Variants in VPS16 observed in about 807,000 individuals in gnomAD.
The protein encoded by VPS16 is VPS16 core subunit of CORVET and HOPS complexes.
A neutral mutation model predicts 116.0 loss-of-function variants in VPS16; 82 were observed. The observed-to-expected ratio is 0.71, with a 90% CI of 0.59 to 0.85. The LOEUF (loss-of-function observed/expected upper bound fraction) is 0.85. VPS16 is among the 40% of genes least tolerant of loss of function. The pLI, the probability that VPS16 is intolerant of heterozygous loss-of-function variation, is 0.00. For synonymous variants in VPS16, 406 were observed against 420.7 expected (o/e 0.96, Z 0.43); for missense variants, 928 against 1,090.6 (o/e 0.85, Z 2.10).
intron 1 of VPS16, among the ~76,000 whole-genome samples, chr20:2,850,575 G>A (rs559519001): frequency 7.4e-4 from 111 of 150,526 alleles, no homozygotes; most frequent in African/African-American, 2.7e-3. Flanking sequence ...GCAGTTAGCC[G>A]AGATTTTGCC....
chr20:2,847,445 C>T (rs2089071645), intron 1 of VPS16, among the ~76,000 whole-genome samples: 1 of 150,752 alleles, frequency 6.6e-6, no homozygotes, highest in African/African-American at 2.4e-5. Context: ...CAGAACTGCT[C>T]TACCTCTGAA....
At chr20:2,862,329 C>G in intron 11 of VPS16, 199 bp downstream of exon 11, 1 of 967,186 alleles carries the variant, frequency 1.0e-6, no homozygotes, top group Non-Finnish European at 1.5e-6. Flanking sequence ...CAGAGCATCC[C>G]CACTATCCCC....
intron 1 of VPS16, among the ~76,000 whole-genome samples, chr20:2,850,957 A>G: frequency 7.2e-6 from 1 of 138,044 alleles, no homozygotes; most frequent in African/African-American, 3.0e-5. Flanking sequence ...GCGATAGAGT[A>G]AGACTGTCAA....
chr20:2,861,307 G>C (rs759436339), intron 8 of VPS16, 27 bp downstream of exon 8: 1 of 1,613,624 alleles, frequency 6.2e-7, no homozygotes. Flanking sequence ...TATTGCTGGG[G>C]GTGTGGGTGA....
chr20:2,861,989 G>C (rs1255276054), intron 10 of VPS16, 65 bp from the exon 11 acceptor site: 38 of 1,606,690 alleles, frequency 2.4e-5, no homozygotes, highest in Non-Finnish European at 3.1e-5. Context: ...AGCAGGAATA[G>C]GGTGTTGAGG....
rs1374207624 is a variant in VPS16, at chr20:2,860,462, A to C, written c.383A>C (p.Asn128Thr). 1.2e-6 allele frequency: 2 copies of C among 1,613,910 alleles called. No individual in the cohort carries two copies. The highest frequency in any genetic ancestry group is 1.7e-6 in the Non-Finnish European group (2 of 1,179,962). The change falls in exon 5 of 24, where the codon AAC becomes ACC. Residue 128 changes from asparagine to threonine, a missense_variant. Coordinates refer to ENST00000380445, the MANE Select transcript of VPS16 (RefSeq NM_022575.4). The surrounding 1 kb of genome is among the most constrained non-coding windows in gnomAD (Gnocchi z 6.1). ...CCCTTTCCTCAGGAAGTGCTCCAGA[A>C]CCGGGTTCTGGATGCCCGGATCTTT... ...HFSMGNEVLQ[N>T]RVLDARIFHT...
chr20:2,862,952 A>C lies in VPS16; in HGVS notation c.1331+18A>C. 4 of 1,613,786 alleles carry C rather than the reference A, an allele frequency of 2.5e-6. No individual in the cohort carries two copies. Among genetic ancestry groups the C allele is most frequent in the Non-Finnish European group, 3.4e-6 (4 of 1,179,792 alleles). ...TATAGCCAGTATCCCTGTGCACGCC[A>C]GAAGGGTACCCTACAGCCAGGGGTG... is the stretch of plus-strand genomic sequence containing the variant. On this transcript the variant is annotated intron_variant, in intron 13 of 23. Transcript: ENST00000380445.
intron 1 of VPS16, among the ~76,000 whole-genome samples, chr20:2,857,594 C>T (rs2089185509): frequency 1.3e-5 from 2 of 152,032 alleles, no homozygotes; most frequent in South Asian, 2.1e-4. Flanking sequence ...ACTGCAACCT[C>T]TGCCTCCTGG....
In VPS16 at chr20:2,866,259, G is replaced by A. The variant is rs1297608672; in HGVS notation, c.2319G>A (p.Lys773=). The A allele has an allele frequency of 3.7e-6, 6 of 1,614,022 alleles. No homozygotes were observed. Among genetic ancestry groups the A allele is most frequent in the African/African-American group, 2.7e-5 (2 of 74,898 alleles). ...CMKQHNKYEA[K]KYASRVGPEQ... ...AACAACATAACAAATACGAAGCCAA[G>A]AAGTATGCTTCCCGCGTGGGTCCCG... The change falls in exon 23 of 24, where the codon AAG becomes AAA. Residue 773 remains lysine, a synonymous_variant. Coordinates refer to ENST00000380445, the MANE Select transcript of VPS16 (RefSeq NM_022575.4).
rs1241093962 is a variant in VPS16, at chr20:2,866,448, A to T, written c.2394A>T (p.Ala798=). The change falls in exon 24 of 24, where the codon GCA becomes GCT. Residue 798 remains alanine (A), a synonymous_variant. Coordinates refer to ENST00000380445, the MANE Select transcript of VPS16 (RefSeq NM_022575.4). ...LLLVGDVAQA[A]DVAIEHRNEA... ...ACCACAGCGATGTGGCTCAGGCTGC[A>T]GATGTGGCCATCGAACACCGGAATG... is the stretch of plus-strand genomic sequence containing the variant. The T allele has an allele frequency of 3.7e-6, 6 of 1,614,196 alleles. No homozygotes were observed. The Admixed American group carries it at 5.0e-5, about 13-fold the overall frequency.
chr20:2,866,659 C>A lies in VPS16; in HGVS notation c.*85C>A. ...AAGGGCCATAGTTCATCCAGCTCCT[C>A]CCCTAGAGCAATGCTGAGGAGCGGG... On this transcript the variant is annotated 3_prime_UTR_variant, in exon 24 of 24. Coordinates refer to ENST00000380445, the MANE Select transcript of VPS16 (RefSeq NM_022575.4). 6.4e-7 allele frequency: 1 copy of A among 1,568,848 alleles called. No individual in the cohort carries two copies. Among genetic ancestry groups the A allele is most frequent in the Admixed American group, 1.8e-5 (1 of 54,996 alleles).
chr20:2,845,220 A>G (rs2089046525), intron 1 of VPS16, among the ~76,000 whole-genome samples: 1 of 152,032 alleles, frequency 6.6e-6, no homozygotes, highest in Non-Finnish European at 1.5e-5. Context: ...ATTTAGAAGT[A>G]AAGTGGAAGA....
chr20:2,844,560 G>GA (rs1483209843), intron 1 of VPS16, among the ~76,000 whole-genome samples: 1 of 152,176 alleles, frequency 6.6e-6, no homozygotes, highest in African/African-American at 2.4e-5. Flanking sequence ...TGCCATCATA[G>GA]AGCTTACAGC....
chr20:2,842,955 A>G (rs553199189), intron 1 of VPS16, among the ~76,000 whole-genome samples: 210 of 89,132 alleles, frequency 2.4e-3, no homozygotes, highest in Non-Finnish European at 3.7e-3. Context: ...TGGGGGTCTT[A>G]CTTAAATAGA....
At chr20:2,841,093 T>G (rs1008545975) in intron 1 of VPS16, 1 of 522,092 alleles carries the variant, frequency 1.9e-6, no homozygotes, top group East Asian at 3.5e-5. Flanking sequence ...CAGATCTCGC[T>G]GAGGGAGGCA....
chr20:2,860,570 T>C lies in VPS16; in HGVS notation c.491T>C (p.Leu164Pro), dbSNP rs1235502002. The change falls in exon 5 of 24, where the codon CTC becomes CCC. Residue 164 changes from leucine to proline, a missense_variant. Transcript: ENST00000380445. This position sits in a 1 kb window ranked among gnomAD's most constrained non-coding sequence, Gnocchi z 6.1. The stretch of plus-strand genomic sequence containing the variant: ...AGTGCCAATGTGGGTGACCTCAAAC[T>C]CCGCCGGATGCCAGAGGTGCCAGGT... ...TLSANVGDLK[L>P]RRMPEVPGLQ... 1 of 1,613,678 alleles carries C rather than the reference T, an allele frequency of 6.2e-7. No individual in the cohort carries two copies. Among genetic ancestry groups the C allele is most frequent in the Non-Finnish European group, 8.5e-7 (1 of 1,179,976 alleles).
rs1363234694 is a variant in VPS16 at position 2,842,733 on chromosome 20, TCTATAGATAC to T, written c.53+1907_53+1916del. ...ATAGATAGACATATGGATGTATCTA[TCTATAGATAC>T]ATATAGATGTATCTATCTATAGATA... On this transcript the variant is annotated intron_variant, in intron 1 of 23. Transcript: ENST00000380445. Among the ~76,000 whole-genome samples, 50 of 107,850 alleles carry T rather than the reference TCTATAGATAC, an allele frequency of 4.6e-4. 1 individual carries two copies. Among genetic ancestry groups the T allele is most frequent in the Non-Finnish European group, 4.8e-4 (25 of 52,248 alleles). The allele number at this position is 107,850 out of a possible 152,430, so 70.8% of individuals were successfully genotyped here.
intron 1 of VPS16, chr20:2,841,185 G>T: frequency 3.1e-6 from 1 of 326,964 alleles, no homozygotes; most frequent in Non-Finnish European, 5.7e-6. Flanking sequence ...CGAGGGGGGC[G>T]GGATCGCACG....
At chr20:2,848,192 G>T (rs888409653) in intron 1 of VPS16, among the ~76,000 whole-genome samples, 1 of 152,126 alleles carries the variant, frequency 6.6e-6, no homozygotes, top group Non-Finnish European at 1.5e-5. Context: ...ATTATATGGA[G>T]TCAGCCTGCA....
Sources: allele counts gnomAD v4.1 joint callset (sites outside exome capture counted in the v4.1 genomes callset), GRCh38; gene constraint gnomAD v4.1.1; non-coding constraint Gnocchi (gnomAD v3.1); transcripts MANE v1.5; gene names NCBI Gene and HGNC (gene_info 2026-07-23, HGNC 2026-07-21).